The following ANKRD52 variants were observed in gnomAD, a reference collection of about 807,000 sequenced individuals.
The protein encoded by ANKRD52 is ankyrin repeat domain 52, also known as serine/threonine-protein phosphatase 6 regulatory ankyrin repeat subunit C.
ANKRD52 carries 7 observed loss-of-function variants against 116.0 expected under a neutral mutation model. The ratio of observed to expected loss-of-function variants is 0.06; its 90% CI spans 0.03 to 0.11. The LOEUF is 0.11. Among genes scored for constraint, ANKRD52 ranks in the 10% least tolerant of loss-of-function variants. ANKRD52 has a pLI of 1.00. For missense variants in ANKRD52, 839 were observed against 1,408.6 expected (o/e 0.60, Z 6.47); for synonymous variants, 528 against 578.1 (o/e 0.91, Z 1.24).
chr12:56,254,449 A>T lies in ANKRD52; in HGVS notation c.693+129T>A. On this transcript the variant is annotated intron_variant, in intron 7 of 27. Coordinates refer to ENST00000267116, the MANE Select transcript of ANKRD52 (RefSeq NM_173595.4). This position sits in a 1 kb window ranked among gnomAD's most constrained non-coding sequence, Gnocchi z 4.6. The stretch of plus-strand genomic sequence containing the variant: ...TATGGCTAAGGTAAGCATTATTCAG[A>T]CCCTCTCTACCACGTCCTTCCAACT... The T allele has an allele frequency of 1.4e-6, 2 of 1,455,836 alleles. No homozygotes were observed. The highest frequency in any genetic ancestry group is 1.9e-6 in the Non-Finnish European group (2 of 1,080,224). 90.2% of individuals were successfully genotyped at this position (1,455,836 alleles called of 1,614,324 possible).
At position 56,245,034 on chromosome 12, in the gene ANKRD52, T is replaced by G. The variant is rs767696010; in HGVS notation, c.2493-45A>C. On this transcript the variant is annotated intron_variant, in intron 22 of 27. Coordinates refer to ENST00000267116, the MANE Select transcript of ANKRD52 (RefSeq NM_173595.4). ...GGGTCATCAGGAAGGACAAGGGAAG[T>G]AGACTACCTGTCCTAAGCTCAAGTC... 2.5e-6 allele frequency: 4 copies of G among 1,612,800 alleles called. No homozygotes were observed. In the South Asian group the frequency reaches 3.3e-5, roughly 13 times the overall value.
In ANKRD52 at chr12:56,243,889, G is replaced by T. The variant is rs747532024; in HGVS notation, c.2889-13C>A. 1 of 1,571,120 alleles carries T rather than the reference G, an allele frequency of 6.4e-7. No individual in the cohort carries two copies. Among genetic ancestry groups the T allele is most frequent in the Admixed American group, 1.9e-5 (1 of 52,856 alleles). On this transcript the variant is annotated splice_polypyrimidine_tract_variant and intron_variant, in intron 26 of 27. Coordinates refer to ENST00000267116, the MANE Select transcript of ANKRD52 (RefSeq NM_173595.4). This position sits in a 1 kb window ranked among gnomAD's most constrained non-coding sequence, Gnocchi z 4.6. ...AATGTGGAGTGGCCTTGGAAAAAAGGAAAAAGAAGGAGCTTGATGCTAAGC... is the reference window on the plus strand; with the variant it reads ...AATGTGGAGTGGCCTTGGAAAAAAGTAAAAAGAAGGAGCTTGATGCTAAGC...
chr12:56,251,261 T>C (rs923091729), intron 15 of ANKRD52, among the ~76,000 whole-genome samples: 2 of 151,686 alleles, frequency 1.3e-5, no homozygotes, highest in Non-Finnish European at 2.9e-5. Context: ...TTTAATTTTT[T>C]TGAGACAGAG....
In ANKRD52 at chr12:56,253,935, T is replaced by TGA. The variant is rs1871820415; in HGVS notation, c.906+130_906+131dup. 2.2e-6 allele frequency: 3 copies of TGA among 1,333,848 alleles called. No individual in the cohort carries two copies. In the African/African-American group the frequency reaches 4.4e-5, roughly 19 times the overall value. 82.6% of individuals were successfully genotyped at this position (1,333,848 alleles called of 1,614,324 possible). On this transcript the variant is annotated intron_variant, in intron 8 of 27. Transcript: ENST00000267116. The surrounding 1 kb of genome is among the most constrained non-coding windows in gnomAD (Gnocchi z 5.5). ...GGCACCTTCTTAGCCCACTCTTTCCTGAGTCCCTGGCAAGGTCTGATTACC... is the reference window on the plus strand; with the variant it reads ...GGCACCTTCTTAGCCCACTCTTTCCTGAGAGTCCCTGGCAAGGTCTGATTACC...
chr12:56,245,946 A>G (rs1871380145), intron 20 of ANKRD52, among the ~76,000 whole-genome samples: 1 of 150,188 alleles, frequency 6.7e-6, no homozygotes, highest in African/African-American at 2.5e-5. Context: ...TGATCTCCTC[A>G]CCTCGTGATC....
At position 56,242,204 on chromosome 12, in the gene ANKRD52, G is replaced by C. The variant is rs1257559921; in HGVS notation, c.*938C>G. The C allele has an allele frequency of 2.5e-6, 1 of 398,566 alleles. No individual in the cohort carries two copies. The highest frequency in any genetic ancestry group is 4.4e-6 in the Non-Finnish European group (1 of 226,062). 24.7% of individuals were successfully genotyped at this position (398,566 alleles called of 1,614,324 possible). ...GCAAACACATGCCTGAAACACAGTG[G>C]ACATACTAGGGCTGTGGTTTTGAAA... On this transcript the variant is annotated 3_prime_UTR_variant, in exon 28 of 28. Coordinates refer to ENST00000267116, the MANE Select transcript of ANKRD52 (RefSeq NM_173595.4). This position sits in a 1 kb window ranked among gnomAD's most constrained non-coding sequence, Gnocchi z 4.3.
Position 56,252,238 on chromosome 12 carries a change from T to C in ANKRD52, c.1448A>G (p.Asn483Ser), listed in dbSNP as rs760754415. 11 of 1,614,016 alleles carry C rather than the reference T, an allele frequency of 6.8e-6. No individual in the cohort carries two copies. The Admixed American group carries it at 1.2e-4, about 17-fold the overall frequency. Residue 483 changes from asparagine to serine, a missense_variant, in exon 14 of 28, where the codon AAC becomes AGC. By Grantham distance (46) the Asn-to-Ser change is conservative (BLOSUM62 1). Around this residue, in one of 2 missense-constraint regions of ANKRD52, gnomAD observed 552 missense variants for 810.6 expected, o/e 0.68. Coordinates refer to ENST00000267116, the MANE Select transcript of ANKRD52 (RefSeq NM_173595.4). The surrounding 1 kb of genome is among the most constrained non-coding windows in gnomAD (Gnocchi z 4.7). ...AGAGCAGCCTTTACAGTCGGCCTCGTTGACACCTGCCCCAGCAGTCACCAA... is the reference window on the plus strand; with the variant it reads ...AGAGCAGCCTTTACAGTCGGCCTCGCTGACACCTGCCCCAGCAGTCACCAA... ...VTLVTAGAGV[N>S]EADCKGCSPL... is the part of the protein sequence containing the mutation.
At position 56,240,341 on chromosome 12, in the gene ANKRD52, C is replaced by A. The variant is rs1023620070; in HGVS notation, c.*2801G>T. ...ACCCTCTGATTCACACGTCTGTTTC[C>A]CTGTCTCCTATGTCGCCCTCGCTCT... On this transcript the variant is annotated 3_prime_UTR_variant, in exon 28 of 28. Coordinates refer to ENST00000267116, the MANE Select transcript of ANKRD52 (RefSeq NM_173595.4). This position sits in a 1 kb window ranked among gnomAD's most constrained non-coding sequence, Gnocchi z 4.2. 8 of 152,228 alleles carry A rather than the reference C, an allele frequency of 5.3e-5. No individual in the cohort carries two copies. Among genetic ancestry groups the A allele is most frequent in the African/African-American group, 1.7e-4 (7 of 41,456 alleles). The allele number at this position is 152,228 out of a possible 1,614,324, so 9.4% of individuals were successfully genotyped here.
chr12:56,256,116 A>G (rs895380632), intron 4 of ANKRD52, 132 bp from the exon 5 acceptor site: 11 of 884,510 alleles, frequency 1.2e-5, no homozygotes, highest in Admixed American at 2.5e-5. Context: ...TTTTTCCAAC[A>G]TACCTAGCCT....
chr12:56,249,893 A>C (rs1401389098), intron 15 of ANKRD52, among the ~76,000 whole-genome samples: 1 of 152,214 alleles, frequency 6.6e-6, no homozygotes, highest in Non-Finnish European at 1.5e-5. Flanking sequence ...ACAAAAAATT[A>C]GCCAGGCGTG....
Position 56,243,080 on chromosome 12 carries a change from C to T in ANKRD52, c.*62G>A, listed in dbSNP as rs898076036. ...CTTTAAAGTGCCCTAAATGTTTAGA[C>T]TTTTTCTAAATAAATAGAATTAGAT... On this transcript the variant is annotated 3_prime_UTR_variant, in exon 28 of 28. Transcript: ENST00000267116. The surrounding 1 kb of genome is among the most constrained non-coding windows in gnomAD (Gnocchi z 4.6). The T allele has an allele frequency of 6.7e-5, 100 of 1,486,586 alleles. No individual in the cohort carries two copies. Among genetic ancestry groups the T allele is most frequent in the Non-Finnish European group, 8.6e-5 (96 of 1,118,580 alleles). The allele number at this position is 1,486,586 out of a possible 1,614,324, so 92.1% of individuals were successfully genotyped here. A position where few individuals can be genotyped will look rare whatever the true frequency, so the allele number is the denominator to read the frequency against.
Position 56,255,973 on chromosome 12 carries a change from C to A in ANKRD52, c.273G>T (p.Gly91=). The A allele has an allele frequency of 6.4e-7, 1 of 1,567,886 alleles. No homozygotes were observed. Among genetic ancestry groups the A allele is most frequent in the South Asian group, 1.2e-5 (1 of 85,876 alleles). ...CATCTGCTGAATGTGCCAGCAGCAG[C>A]CCCAGCACCTTCTGTTGAGGGGCAG... ...AAASRNEKVL[G]LLLAHSADVN... The change falls in exon 5 of 28, where the codon GGG becomes GGT. Residue 91 remains glycine, a synonymous_variant. Transcript: ENST00000267116. This position sits in a 1 kb window ranked among gnomAD's most constrained non-coding sequence, Gnocchi z 4.3.
rs1362580834 is a variant in ANKRD52 at position 56,254,967 on chromosome 12, GAA to G, written c.463-17_463-16del. ...AGGTTCACCGTCTGCATCAGGATAT[GAA>G]AGACACCTGTTCAGAGCTAGATTCG... is the stretch of plus-strand genomic sequence containing the variant. On this transcript the variant is annotated splice_polypyrimidine_tract_variant and intron_variant, in intron 5 of 27. Transcript: ENST00000267116. This position sits in a 1 kb window ranked among gnomAD's most constrained non-coding sequence, Gnocchi z 4.6. The G allele has an allele frequency of 5.0e-6, 8 of 1,607,508 alleles. No homozygotes were observed. Among genetic ancestry groups the G allele is most frequent in the Non-Finnish European group, 6.8e-6 (8 of 1,174,516 alleles).
intron 15 of ANKRD52, among the ~76,000 whole-genome samples, 182 bp from the exon 16 acceptor site, chr12:56,249,052 C>A (rs1434441310): frequency 6.6e-6 from 1 of 152,238 alleles, no homozygotes; most frequent in Non-Finnish European, 1.5e-5. Flanking sequence ...ACCCACTTTA[C>A]CTTCTCAAGG....
intron 3 of ANKRD52, 90 bp downstream of exon 3, chr12:56,257,193 A>C: frequency 6.5e-7 from 1 of 1,542,222 alleles, no homozygotes; most frequent in Non-Finnish European, 8.8e-7. Context: ...GCCTGGACCA[A>C]GCCGGGGAGA....
At chr12:56,249,341 T>C (rs951781150) in intron 15 of ANKRD52, among the ~76,000 whole-genome samples, 1 of 152,214 alleles carries the variant, frequency 6.6e-6, no homozygotes, top group African/African-American at 2.4e-5. Context: ...TTGGCAGTCT[T>C]CTCATACCTT....
chr12:56,246,664 G>A (rs1871413074), intron 20 of ANKRD52, among the ~76,000 whole-genome samples: 1 of 152,058 alleles, frequency 6.6e-6, no homozygotes, highest in South Asian at 2.1e-4. Flanking sequence ...GCTCACGCCT[G>A]TAATCCCAAC....
intron 15 of ANKRD52, among the ~76,000 whole-genome samples, chr12:56,249,939 C>T (rs1487931935): frequency 6.6e-6 from 1 of 152,068 alleles, no homozygotes; most frequent in East Asian, 1.9e-4. Flanking sequence ...ACTCAGGAGG[C>T]TGAGGCAGAA....
In ANKRD52 at chr12:56,248,685, C is replaced by T. The variant is rs1338745445; in HGVS notation, c.1704+74G>A. ...ATCCAAAGACCACATTTGATTGAAC[C>T]CTTAGTTTTGGAATCCACAAACCCT... On this transcript the variant is annotated intron_variant, in intron 16 of 27. Coordinates refer to ENST00000267116, the MANE Select transcript of ANKRD52 (RefSeq NM_173595.4). This position sits in a 1 kb window ranked among gnomAD's most constrained non-coding sequence, Gnocchi z 5.1. The T allele has an allele frequency of 2.7e-5, 40 of 1,495,952 alleles. 2 individuals carry two copies. The highest frequency in any genetic ancestry group is 1.3e-4 in the South Asian group (11 of 83,538). 92.7% of individuals were successfully genotyped at this position (1,495,952 alleles called of 1,614,324 possible).
Sources: gnomAD v4.1 joint callset for allele counts (sites outside exome capture counted in the v4.1 genomes callset) on GRCh38, gnomAD v4.1.1 for gene constraint, gnomAD v4.1.1 regional missense constraint, Gnocchi (gnomAD v3.1) non-coding constraint, MANE v1.5 for transcripts, NCBI Gene and HGNC (gene_info 2026-07-23, HGNC 2026-07-21) for gene names.